The following SMARCC1 variants were observed in gnomAD, a reference collection of about 807,000 sequenced individuals.
SMARCC1 encodes SWI/SNF complex subunit SMARCC1.
SMARCC1 carries 43 observed loss-of-function variants against 147.4 expected under a neutral mutation model. That is an observed-to-expected ratio of 0.29 (90% CI 0.23 to 0.38). The LOEUF is 0.38. Among genes scored for constraint, SMARCC1 ranks in the 10% least tolerant of loss-of-function variants. SMARCC1 has a pLI of 1.00. For synonymous variants in SMARCC1, 495 were observed against 484.4 expected, an observed-to-expected ratio of 1.02 and a Z score of -0.29; for missense variants, 1,119 against 1,381.1, an observed-to-expected ratio of 0.81 and a Z score of 3.01.
chr3:47,771,344 G>A (rs2034912346), intron 2 of SMARCC1, among the ~76,000 whole-genome samples: 1 of 152,104 alleles, frequency 6.6e-6, no homozygotes, highest in Admixed American at 6.6e-5. Context: ...TAGAAACAAC[G>A]AAAACCAAAA....
intron 25 of SMARCC1, 150 bp downstream of exon 25, chr3:47,622,057 T>C: frequency 1.4e-6 from 1 of 711,678 alleles, no homozygotes; most frequent in East Asian, 2.6e-5. Flanking sequence ...AACAATCCTT[T>C]TGAAAGGGCA....
At chr3:47,644,437 A>G (rs942903879) in intron 21 of SMARCC1, among the ~76,000 whole-genome samples, 1 of 152,180 alleles carries the variant, frequency 6.6e-6, no homozygotes, top group Non-Finnish European at 1.5e-5. Context: ...TTGAGACTGC[A>G]ATAAGCTATG....
At chr3:47,639,076 G>A (rs2033013123) in intron 21 of SMARCC1, among the ~76,000 whole-genome samples, 1 of 152,142 alleles carries the variant, frequency 6.6e-6, no homozygotes, top group South Asian at 2.1e-4. Flanking sequence ...TAGGGTGCTG[G>A]TAACGCTCTG....
intron 22 of SMARCC1, among the ~76,000 whole-genome samples, chr3:47,637,173 G>A (rs752521215): frequency 6.6e-6 from 1 of 152,068 alleles, no homozygotes; most frequent in Non-Finnish European, 1.5e-5. Flanking sequence ...GGGACTACAA[G>A]TATGACACAC....
intron 13 of SMARCC1, 91 bp downstream of exon 13, chr3:47,689,296 A>T (rs1173774643): frequency 1.9e-6 from 2 of 1,075,818 alleles, no homozygotes; most frequent in African/African-American, 1.6e-5. Flanking sequence ...ATAGTCCAAA[A>T]ATTGGGTTAT....
intron 11 of SMARCC1, among the ~76,000 whole-genome samples, chr3:47,698,242 C>A (rs1193658469): frequency 6.6e-6 from 1 of 151,846 alleles, no homozygotes; most frequent in Non-Finnish European, 1.5e-5. Context: ...TCAGTGGATA[C>A]TGAAGAACGG....
At chr3:47,689,496 G>A in intron 12 of SMARCC1, 72 bp from the exon 13 acceptor site, 2 of 1,243,614 alleles carry the variant, frequency 1.6e-6, no homozygotes, top group East Asian at 4.6e-5. Flanking sequence ...AAAATTAATG[G>A]TCTAAGAACT....
chr3:47,604,756 T>TGG (rs1329340837), intron 26 of SMARCC1: 1 of 138,442 alleles, frequency 7.2e-6, no homozygotes, highest in African/African-American at 2.7e-5. Context: ...TGGAGTGCAG[T>TGG]GGCATGACCT....
At chr3:47,696,113 G>C (rs1156275873) in intron 11 of SMARCC1, among the ~76,000 whole-genome samples, 1 of 144,814 alleles carries the variant, frequency 6.9e-6, no homozygotes, top group Non-Finnish European at 1.5e-5. Context: ...GCTCATGCCT[G>C]TAATCCTAGC....
chr3:47,685,946 G>A (rs1333525816), intron 14 of SMARCC1, 103 bp downstream of exon 14: 2 of 866,166 alleles, frequency 2.3e-6, no homozygotes, highest in African/African-American at 3.4e-5. Flanking sequence ...CAAAGTGATA[G>A]TAATTTCTGA....
At chr3:47,682,308 A>C (rs1053548096) in intron 14 of SMARCC1, among the ~76,000 whole-genome samples, 2 of 151,548 alleles carry the variant, frequency 1.3e-5, no homozygotes, top group African/African-American at 2.4e-5. Flanking sequence ...AAAAAAAAAA[A>C]AACAAACAAC....
Position 47,662,440 on chromosome 3 carries a change from C to G in SMARCC1, c.2052G>C (p.Gln684His). ...TTCCTGACTGACTGAAGGGGACAGG[C>G]TGGTAGGCCAAAGGCCCAAGGGAAG... ...SDASLGPLAY[Q>H]PVPFSQSGNP... The change falls in exon 20 of 28, where the codon CAG (glutamine) becomes CAC (histidine). Residue 684 changes from glutamine (Q) to histidine (H), a missense_variant. Gln to His is a conservative substitution (Grantham distance 24). This residue lies in a region of SMARCC1 where 178 missense variants were observed against 264.6 expected (regional missense o/e 0.67). Coordinates refer to ENST00000254480, the MANE Select transcript of SMARCC1 (RefSeq NM_003074.4). The G allele has an allele frequency of 6.2e-7, 1 of 1,614,128 alleles. No homozygotes were observed. The highest frequency in any genetic ancestry group is 8.5e-7 in the Non-Finnish European group (1 of 1,180,016).
intron 3 of SMARCC1, among the ~76,000 whole-genome samples, chr3:47,745,629 C>T (rs1437792131): frequency 6.6e-6 from 1 of 152,170 alleles, no homozygotes; most frequent in African/African-American, 2.4e-5. Flanking sequence ...ATGAGAATTG[C>T]TTGAATCTGA....
chr3:47,623,431 C>T (rs2032764755), intron 24 of SMARCC1, among the ~76,000 whole-genome samples: 1 of 152,148 alleles, frequency 6.6e-6, no homozygotes, highest in African/African-American at 2.4e-5. Flanking sequence ...TGAGACCTAA[C>T]ACTTAGACGA....
chr3:47,713,923 C>T (rs1458562040), intron 8 of SMARCC1, among the ~76,000 whole-genome samples: 1 of 152,208 alleles, frequency 6.6e-6, no homozygotes, highest in Non-Finnish European at 1.5e-5. Context: ...TCAAGCACTG[C>T]AGACATTTCA....
intron 18 of SMARCC1, among the ~76,000 whole-genome samples, chr3:47,674,387 A>G (rs1004476133): frequency 1.3e-5 from 2 of 152,130 alleles, no homozygotes; most frequent in African/African-American, 4.8e-5. Context: ...TTCACCTTCA[A>G]TTTTGAAAGT....
chr3:47,637,418 C>T (rs935756928), intron 22 of SMARCC1, among the ~76,000 whole-genome samples: 2 of 152,060 alleles, frequency 1.3e-5, no homozygotes, highest in African/African-American at 2.4e-5. Flanking sequence ...ATTAGGAACA[C>T]AAAGGCCCAG....
intron 4 of SMARCC1, among the ~76,000 whole-genome samples, chr3:47,736,981 TC>T (rs1260927131): frequency 6.6e-6 from 1 of 152,202 alleles, no homozygotes; most frequent in Non-Finnish European, 1.5e-5. Context: ...CATTCTCTTT[TC>T]CAAGTTATAA....
At chr3:47,724,226 T>C (rs973772528) in intron 6 of SMARCC1, among the ~76,000 whole-genome samples, 2 of 152,208 alleles carry the variant, frequency 1.3e-5, no homozygotes, top group African/African-American at 4.8e-5. Flanking sequence ...ATTACAGCAG[T>C]ATTCACAATA....
Sources: gnomAD v4.1 joint callset for allele counts (sites outside exome capture counted in the v4.1 genomes callset) on GRCh38, gnomAD v4.1.1 for gene constraint, gnomAD v4.1.1 regional missense constraint, MANE v1.5 for transcripts, NCBI Gene and HGNC (gene_info 2026-07-23, HGNC 2026-07-21) for gene names.